The following MACF1 variants were observed in gnomAD, a reference collection of about 807,000 sequenced individuals.
The protein encoded by MACF1 is microtubule-actin cross-linking factor 1.
A neutral mutation model predicts 854.8 loss-of-function variants in MACF1; 193 were observed. The ratio of observed to expected loss-of-function variants is 0.23; its 90% CI spans 0.20 to 0.25. The LOEUF is 0.25. Among genes scored for constraint, MACF1 ranks in the 10% least tolerant of loss-of-function variants. The probability of loss-of-function intolerance (pLI) is 1.00; values close to 1 mark genes in which losing one functional copy is unlikely to be tolerated. For synonymous variants in MACF1, 3,185 were observed against 3,226.7 expected (o/e 0.99, Z 0.44); for missense variants, 7,722 against 8,929.1 (o/e 0.86, Z 5.45).
At position 39,459,893 on chromosome 1, in the gene MACF1, G is replaced by A. The variant is rs992480959; in HGVS notation, c.21360+644G>A. 7.1e-5 allele frequency: 88 copies of A among 1,243,720 alleles called. No homozygotes were observed. In the Middle Eastern group the frequency reaches 3.5e-3, roughly 50 times the overall value. The allele number at this position is 1,243,720 out of a possible 1,614,324, so 77.0% of individuals were successfully genotyped here. A position where few individuals can be genotyped will look rare whatever the true frequency, so the allele number is the denominator to read the frequency against. The stretch of plus-strand genomic sequence containing the variant: ...GTCAGTTGACTTTTAAGCTTATTGG[G>A]TTCTTGGTGCTTTTTTCCCCCATTC... On this transcript the variant is annotated intron_variant, in intron 91 of 100. Transcript: ENST00000564288.
At chr1:39,166,071 A>T (rs535648734) in intron 2 of MACF1, among the ~76,000 whole-genome samples, 16 of 144,290 alleles carry the variant, frequency 1.1e-4, no homozygotes, top group Non-Finnish European at 1.5e-4. Context: ...AGGGCACTAG[A>T]TTTTTTTTTT....
intron 5 of MACF1, among the ~76,000 whole-genome samples, chr1:39,255,836 G>C (rs1645091087): frequency 1.3e-5 from 2 of 152,158 alleles, no homozygotes; most frequent in South Asian, 4.1e-4. Flanking sequence ...GAGGAAGCTG[G>C]GGTGGGGGCC....
intron 27 of MACF1, among the ~76,000 whole-genome samples, chr1:39,316,085 C>T (rs1646406854): frequency 6.6e-6 from 1 of 152,214 alleles, no homozygotes; most frequent in Admixed American, 6.5e-5. Flanking sequence ...TACCTATGAC[C>T]TTGAAGAGTA....
chr1:39,269,211 T>A (rs553062209), intron 6 of MACF1: 1 of 1,289,996 alleles, frequency 7.8e-7, no homozygotes, highest in African/African-American at 1.5e-5. Context: ...GACAGCATCC[T>A]GCAGCAGCAG....
chr1:39,210,094 GAAAA>G (rs76894261), intron 1 of MACF1, among the ~76,000 whole-genome samples: 1 of 129,568 alleles, frequency 7.7e-6, no homozygotes, highest in Non-Finnish European at 1.7e-5. Context: ...CATCTCAGGA[GAAAA>G]AAAAAAAAAA....
chr1:39,250,660 GC>G (rs2148333403), intron 3 of MACF1, among the ~76,000 whole-genome samples: 1 of 152,282 alleles, frequency 6.6e-6, no homozygotes, highest in East Asian at 1.9e-4. Context: ...AGTTGTCTGA[GC>G]ATAGCCTTGG....
At chr1:39,308,117 G>T (rs1646227917) in intron 23 of MACF1, among the ~76,000 whole-genome samples, 1 of 151,616 alleles carries the variant, frequency 6.6e-6, no homozygotes, top group African/African-American at 2.4e-5. Flanking sequence ...TGTTAGCCAG[G>T]ATGGTCTCAA....
At chr1:39,452,434 C>A in intron 86 of MACF1, 84 bp downstream of exon 86, 1 of 1,379,088 alleles carries the variant, frequency 7.3e-7, no homozygotes, top group Non-Finnish European at 9.9e-7. Flanking sequence ...CTGTTCCAGT[C>A]AGTCTTGAAA....
chr1:39,223,637 A>C (rs556652950), intron 1 of MACF1, among the ~76,000 whole-genome samples: 2 of 151,828 alleles, frequency 1.3e-5, no homozygotes, highest in Non-Finnish European at 2.9e-5. Context: ...GCCTTGGCCA[A>C]CCAAGTAGCT....
At chr1:39,305,089 C>A (rs1224453388) in intron 23 of MACF1, among the ~76,000 whole-genome samples, 1 of 151,188 alleles carries the variant, frequency 6.6e-6, no homozygotes, top group Non-Finnish European at 1.5e-5. Flanking sequence ...GGTGAAACTC[C>A]GTCTCACTAA....
intron 1 of MACF1, among the ~76,000 whole-genome samples, chr1:39,208,543 A>G (rs1416930309): frequency 2.0e-5 from 3 of 151,918 alleles, no homozygotes; most frequent in African/African-American, 7.3e-5. Context: ...AAATTCTGCC[A>G]TCCGGGTTCA....
chr1:39,472,539 C>A (rs745611837), intron 97 of MACF1, among the ~76,000 whole-genome samples: 8 of 152,166 alleles, frequency 5.3e-5, no homozygotes, highest in Non-Finnish European at 7.4e-5. Flanking sequence ...AAAGAGCTTT[C>A]ATTTCTTCCA....
chr1:39,337,977 G>A (rs185720890), intron 38 of MACF1, among the ~76,000 whole-genome samples: 33 of 152,218 alleles, frequency 2.2e-4, no homozygotes, highest in African/African-American at 7.2e-4. Context: ...CACCGTGTTA[G>A]CCAAGATGGT....
At chr1:39,352,000 A>G (rs1001929674) in intron 43 of MACF1, among the ~76,000 whole-genome samples, 1 of 152,162 alleles carries the variant, frequency 6.6e-6, no homozygotes, top group African/African-American at 2.4e-5. Flanking sequence ...TATAGTTACG[A>G]TGGGAATCGT....
At chr1:39,147,382 T>G (rs538897685) in intron 2 of MACF1, among the ~76,000 whole-genome samples, 10 of 150,708 alleles carry the variant, frequency 6.6e-5, no homozygotes, top group Non-Finnish European at 1.2e-4. Context: ...TTTCCTTTCC[T>G]TCCCCTTCTT....
At chr1:39,441,468 A>C (rs537745430) in intron 74 of MACF1, 143 bp downstream of exon 74, 1 of 652,468 alleles carries the variant, frequency 1.5e-6, no homozygotes, top group African/African-American at 1.8e-5. Flanking sequence ...ATTTAGCCAA[A>C]GTTCCCCACT....
intron 99 of MACF1, among the ~76,000 whole-genome samples, chr1:39,482,845 G>A (rs1645037287): frequency 6.7e-6 from 1 of 149,484 alleles, no homozygotes; most frequent in Non-Finnish European, 1.5e-5. Context: ...TGGACATGGT[G>A]GCTCACCCCT....
chr1:39,194,208 C>G (rs963919699), intron 2 of MACF1, among the ~76,000 whole-genome samples: 2 of 152,124 alleles, frequency 1.3e-5, no homozygotes, highest in Non-Finnish European at 2.9e-5. Flanking sequence ...GTGTTACTTT[C>G]CCTTTTCTTT....
chr1:39,187,708 T>A (rs565658353), intron 2 of MACF1, among the ~76,000 whole-genome samples: 74 of 152,310 alleles, frequency 4.9e-4, no homozygotes, highest in East Asian at 1.2e-3. Context: ...GCAGATTTTT[T>A]AAAAAATTAT....
Sources: gnomAD v4.1 joint callset for allele counts (sites outside exome capture counted in the v4.1 genomes callset) on GRCh38, gnomAD v4.1.1 for gene constraint, MANE v1.5 for transcripts, NCBI Gene and HGNC (gene_info 2026-07-23, HGNC 2026-07-21) for gene names.